Variants in CHD8 observed in about 807,000 individuals in gnomAD.
CHD8 encodes ATP-dependent chromatin remodeler CHD8.
Under a neutral mutation model 279.2 loss-of-function variants are expected in CHD8, and 31 were observed. That is an observed-to-expected ratio of 0.11 (90% CI 0.08 to 0.15). The LOEUF is 0.15. Ranked by LOEUF, CHD8 falls within the 10% of genes least tolerant of loss-of-function variation. CHD8 has a pLI of 1.00. For synonymous variants in CHD8, 1,081 were observed against 1,139.6 expected (o/e 0.95, Z 1.04); for missense variants, 2,146 against 3,230.5 (o/e 0.66, Z 8.14).
At chr14:21,431,938 T>TG in intron 1 of CHD8, 80 bp from the exon 2 acceptor site, 1 of 842,170 alleles carries the variant, frequency 1.2e-6, no homozygotes, top group Non-Finnish European at 2.0e-6. Context: ...TTACGTACTG[T>TG]TCTTAATATC....
rs200180762 is a variant in CHD8 at position 21,403,575 on chromosome 14, G to A, written c.3396C>T (p.Ala1132=). 30 of 1,612,524 alleles carry A rather than the reference G, an allele frequency of 1.9e-5. No homozygotes were observed. Among genetic ancestry groups the A allele is most frequent in the Middle Eastern group, 1.6e-4 (1 of 6,062 alleles). ...DFHLQAMVRS[A]GKLVLIDKLL... is the part of the protein sequence containing the mutation. ...ACTTGTCAATAAGAACCAGTTTGCC[G>A]GCTGAACGAACCATGGCCTGCAGGT... Residue 1132 remains alanine, a synonymous_variant, in exon 17 of 38, where the codon GCC becomes GCT. Coordinates refer to ENST00000646647, the MANE Select transcript of CHD8 (RefSeq NM_001170629.2). The surrounding 1 kb of genome is among the most constrained non-coding windows in gnomAD (Gnocchi z 4.3).
At chr14:21,444,392 G>A (rs956369474) in intron 1 of CHD8, among the ~76,000 whole-genome samples, 1 of 152,194 alleles carries the variant, frequency 6.6e-6, no homozygotes, top group Admixed American at 6.5e-5. Flanking sequence ...CTATGAGCTT[G>A]AGTGCACACT....
intron 1 of CHD8, among the ~76,000 whole-genome samples, chr14:21,445,820 T>A (rs1013576735): frequency 1.4e-5 from 2 of 148,028 alleles, no homozygotes; most frequent in South Asian, 2.1e-4. Context: ...GCCAAGATGG[T>A]GAAACCCTGT....
At chr14:21,419,287 G>A (rs1211386192) in intron 5 of CHD8, among the ~76,000 whole-genome samples, 8 of 152,262 alleles carry the variant, frequency 5.3e-5, no homozygotes, top group East Asian at 3.9e-4. Flanking sequence ...GGCCGGGAGC[G>A]GTGGCTCATG....
intron 5 of CHD8, among the ~76,000 whole-genome samples, chr14:21,417,751 G>A (rs1888794532): frequency 6.6e-6 from 1 of 151,332 alleles, no homozygotes; most frequent in African/African-American, 2.4e-5. Context: ...CTACTCGGGA[G>A]GCTGAGGCAG....
intron 1 of CHD8, among the ~76,000 whole-genome samples, chr14:21,433,861 G>A (rs1889662620): frequency 6.6e-6 from 1 of 152,020 alleles, no homozygotes; most frequent in African/African-American, 2.4e-5. Context: ...AGTTATGAAT[G>A]CTTCCTGATT....
intron 1 of CHD8, among the ~76,000 whole-genome samples, chr14:21,433,477 G>A (rs1337688299): frequency 1.3e-5 from 2 of 152,250 alleles, no homozygotes; most frequent in African/African-American, 4.8e-5. Context: ...CCTAACTTTT[G>A]GAAGACACCA....
At chr14:21,415,972 T>A in intron 5 of CHD8, 65 bp from the exon 6 acceptor site, 6 of 1,371,256 alleles carry the variant, frequency 4.4e-6, no homozygotes, top group Non-Finnish European at 6.0e-6. Context: ...TTTAAAATTA[T>A]TTGCTCATGG....
intron 35 of CHD8, 49 bp from the exon 36 acceptor site, chr14:21,391,691 A>C: frequency 2.0e-6 from 1 of 500,730 alleles, no homozygotes; most frequent in Non-Finnish European, 3.9e-6. Flanking sequence ...TCTTTGGGGG[A>C]GGGAGGGAGG....
intron 1 of CHD8, among the ~76,000 whole-genome samples, chr14:21,450,172 C>T (rs1890223259): frequency 6.6e-6 from 1 of 152,096 alleles, no homozygotes; most frequent in African/African-American, 2.4e-5. Flanking sequence ...AATCCAGAAA[C>T]ATCTTACCAT....
intron 1 of CHD8, among the ~76,000 whole-genome samples, chr14:21,432,523 C>G (rs1341224486): frequency 6.6e-6 from 1 of 152,166 alleles, no homozygotes; most frequent in Non-Finnish European, 1.5e-5. Context: ...AACATTGTTT[C>G]CAATTTATAT....
intron 1 of CHD8, among the ~76,000 whole-genome samples, chr14:21,441,697 G>A (rs535702454): frequency 1.1e-4 from 16 of 151,972 alleles, no homozygotes; most frequent in Non-Finnish European, 2.1e-4. Flanking sequence ...GACCATCCTG[G>A]CTAACACGGT....
At chr14:21,417,631 C>G (rs57968228) in intron 5 of CHD8, among the ~76,000 whole-genome samples, 10,811 of 151,312 alleles carry the variant, frequency 0.071, 821 homozygotes, top group African/African-American at 0.19. Flanking sequence ...GAGGCAGGCG[C>G]ATCATGAGGT....
At position 21,409,952 on chromosome 14, in the gene CHD8, G is replaced by A; in HGVS notation, c.2263C>T (p.Pro755Ser). The change falls in exon 11 of 38, where the codon CCC (proline) becomes TCC (serine). Residue 755 changes from proline (P) to serine (S), a missense_variant. Physicochemically the swap from Pro to Ser is moderately conservative, Grantham distance 74. Transcript: ENST00000646647. ...IYYLVKWCSLPYEDSTWELKE... is the reference protein window; with the variant it reads ...IYYLVKWCSLSYEDSTWELKE... ...AGCTCCCATGTGCTATCCTCATAGG[G>A]CAGAGAGCACCATTTCACCAGGTAG... 6.2e-7 allele frequency: 1 copy of A among 1,613,248 alleles called. No individual in the cohort carries two copies. The highest frequency in any genetic ancestry group is 8.5e-7 in the Non-Finnish European group (1 of 1,179,398).
At position 21,399,975 on chromosome 14, in the gene CHD8, T is replaced by G. The variant is rs761916180; in HGVS notation, c.4817+6A>C. ...CATAAATCAAAAAAATATAGCAGAA[T>G]TTTACCTGGCAATCGCACCCCCTAA... is the stretch of plus-strand genomic sequence containing the variant. On this transcript the variant is annotated splice_donor_region_variant and intron_variant, in intron 25 of 37. Coordinates refer to ENST00000646647, the MANE Select transcript of CHD8 (RefSeq NM_001170629.2). 6.2e-7 allele frequency: 1 copy of G among 1,610,992 alleles called. No homozygotes were observed. Among genetic ancestry groups the G allele is most frequent in the East Asian group, 2.2e-5 (1 of 44,844 alleles).
intron 35 of CHD8, 57 bp from the exon 36 acceptor site, chr14:21,391,699 A>C: frequency 3.7e-6 from 2 of 542,414 alleles, no homozygotes; most frequent in Non-Finnish European, 7.0e-6. Flanking sequence ...GGAGGGAGGG[A>C]GGGGGAGCAG....
chr14:21,415,506 AAAAT>A lies in CHD8; in HGVS notation c.1968+64_1968+67del, dbSNP rs34695967. Reference sequence around the variant, plus strand: ...GGTAACACAGTTAGACTCTATTTCAAAAATAAATAAATAAATAAATAAATAAATA... The same window carrying A: ...GGTAACACAGTTAGACTCTATTTCAAAAATAAATAAATAAATAAATAAATA... On this transcript the variant is annotated intron_variant, in intron 7 of 37. Transcript: ENST00000646647. The A allele has an allele frequency of 6.6e-3, 5,326 of 806,498 alleles. 27 individuals are homozygous for A. The highest frequency in any genetic ancestry group is 7.4e-3 in the Non-Finnish European group (4,424 of 594,162). The allele number at this position is 806,498 out of a possible 1,614,324, so 50.0% of individuals were successfully genotyped here.
At chr14:21,425,962 C>T in intron 5 of CHD8, 166 bp downstream of exon 5, 4 of 561,256 alleles carry the variant, frequency 7.1e-6, no homozygotes, top group Non-Finnish European at 1.3e-5. Flanking sequence ...ACAACAACAA[C>T]AGAAAAAAGA....
Position 21,405,188 on chromosome 14 carries a change from A to G in CHD8, c.3307+21T>C. 1 of 1,612,128 alleles carries G rather than the reference A, an allele frequency of 6.2e-7. No individual in the cohort carries two copies. Among genetic ancestry groups the G allele is most frequent in the East Asian group, 2.2e-5 (1 of 44,854 alleles). On this transcript the variant is annotated intron_variant, in intron 16 of 37. Transcript: ENST00000646647. This position sits in a 1 kb window ranked among gnomAD's most constrained non-coding sequence, Gnocchi z 4.2. ...ACACAGGTACTACAGAAGTTCAGGT[A>G]TATACCAAGCATTCCCTCACCATTG...
Sources: allele counts gnomAD v4.1 joint callset (sites outside exome capture counted in the v4.1 genomes callset), GRCh38; gene constraint gnomAD v4.1.1; non-coding constraint Gnocchi (gnomAD v3.1); transcripts MANE v1.5; gene names NCBI Gene and HGNC (gene_info 2026-07-23, HGNC 2026-07-21).